The following KCNJ4 variants were observed in gnomAD, a reference collection of about 807,000 sequenced individuals.
KCNJ4 encodes inward rectifier potassium channel 4.
In KCNJ4, 3 loss-of-function variants were observed where a neutral mutation model predicts 25.6. That is an observed-to-expected ratio of 0.12 (90% CI 0.05 to 0.30). The LOEUF (loss-of-function observed/expected upper bound fraction) is 0.30. KCNJ4 is among the 10% of genes least tolerant of loss of function. The probability of loss-of-function intolerance (pLI) is 1.00; values close to 1 mark genes in which losing one functional copy is unlikely to be tolerated. For synonymous variants in KCNJ4, 257 were observed against 283.9 expected (o/e 0.91, Z 0.95); for missense variants, 286 against 666.8 (o/e 0.43, Z 6.29).
At chr22:38,444,751 C>G (rs2089361591) in intron 1 of KCNJ4, among the ~76,000 whole-genome samples, 2 of 152,316 alleles carry the variant, frequency 1.3e-5, no homozygotes, top group African/African-American at 2.4e-5. Flanking sequence ...ATGGGGGGGG[C>G]CACGGGCTGC....
At chr22:38,439,252 T>C (rs2089314842) in intron 1 of KCNJ4, among the ~76,000 whole-genome samples, 1 of 151,486 alleles carries the variant, frequency 6.6e-6, no homozygotes, top group African/African-American at 2.4e-5. Flanking sequence ...GCCAACATGG[T>C]GAAACTCTAT....
chr22:38,441,351 T>G (rs922607476), intron 1 of KCNJ4, among the ~76,000 whole-genome samples: 6 of 151,648 alleles, frequency 4.0e-5, no homozygotes, highest in Non-Finnish European at 5.9e-5. Context: ...TGGGCGGGGG[T>G]CAGGGAAGTT....
chr22:38,447,725 G>T (rs560598017), intron 1 of KCNJ4, among the ~76,000 whole-genome samples: 65 of 152,230 alleles, frequency 4.3e-4, no homozygotes, highest in African/African-American at 1.3e-3. Flanking sequence ...TCAGTAAAAT[G>T]GGGTCAGCTC....
chr22:38,447,597 G>T (rs373420292), intron 1 of KCNJ4, among the ~76,000 whole-genome samples: 6 of 152,114 alleles, frequency 3.9e-5, no homozygotes, highest in Admixed American at 6.5e-5. Flanking sequence ...AGTCTAGGGT[G>T]GGGGCTGGGA....
Position 38,427,647 on chromosome 22 carries a change from G to A in KCNJ4, c.486C>T (p.Val162=). Residue 162 remains valine, a synonymous_variant, in exon 2 of 2, where the codon GTC becomes GTT. Transcript: ENST00000303592. The stretch of plus-strand genomic sequence containing the variant: ...TGGTGCCAATCATGAAGGAGTCGAT[G>A]ACGCAGCCCACGATGGACTGGACCA... The part of the protein sequence containing the change: ...AVVVQSIVGC[V]IDSFMIGTIM... The A allele has an allele frequency of 6.2e-7, 1 of 1,613,272 alleles. No homozygotes were observed. The highest frequency in any genetic ancestry group is 8.5e-7 in the Non-Finnish European group (1 of 1,179,972).
At chr22:38,445,074 C>A (rs1388524737) in intron 1 of KCNJ4, among the ~76,000 whole-genome samples, 1 of 151,392 alleles carries the variant, frequency 6.6e-6, no homozygotes, top group African/African-American at 2.4e-5. Context: ...CGTGTGTGTG[C>A]GTGTGTGTGT....
intron 1 of KCNJ4, among the ~76,000 whole-genome samples, chr22:38,450,637 C>T: frequency 6.6e-6 from 1 of 152,228 alleles, no homozygotes; most frequent in East Asian, 1.9e-4. Context: ...TCCTCACTCA[C>T]TGGCACAGGG....
At chr22:38,438,226 C>T (rs1217297696) in intron 1 of KCNJ4, among the ~76,000 whole-genome samples, 2 of 119,634 alleles carry the variant, frequency 1.7e-5, no homozygotes, top group African/African-American at 3.5e-5. Flanking sequence ...GGCGACAGAG[C>T]GATACTCTGT....
intron 1 of KCNJ4, among the ~76,000 whole-genome samples, chr22:38,428,869 G>A (rs528480773): frequency 3.4e-4 from 52 of 152,028 alleles, no homozygotes; most frequent in African/African-American, 1.2e-3. Context: ...AAGATTGTTT[G>A]TGCCAGGAGT....
intron 1 of KCNJ4, among the ~76,000 whole-genome samples, chr22:38,436,531 C>A (rs2093065917): frequency 6.6e-6 from 1 of 152,132 alleles, no homozygotes; most frequent in African/African-American, 2.4e-5. Context: ...ACCTGCAGGG[C>A]CTGATGTGGA....
Position 38,427,975 on chromosome 22 carries a change from G to C in KCNJ4, c.158C>G (p.Thr53Arg). The C allele has an allele frequency of 6.2e-7, 1 of 1,614,190 alleles. No individual in the cohort carries two copies. Among genetic ancestry groups the C allele is most frequent in the Non-Finnish European group, 8.5e-7 (1 of 1,180,010 alleles). ...MADIFTTCVD[T>R]RWRYMLMIFS... ...GATCATGAGCATGTAGCGCCAGCGCGTGTCCACGCAGGTGGTGAAGATGTC... is the reference window on the plus strand; with the variant it reads ...GATCATGAGCATGTAGCGCCAGCGCCTGTCCACGCAGGTGGTGAAGATGTC... The change falls in exon 2 of 2, where the codon ACG becomes AGG. Residue 53 changes from threonine to arginine, a missense_variant. Physicochemically the swap from Thr to Arg is moderately conservative, Grantham distance 71. Around this residue, in one of 11 missense-constraint regions of KCNJ4, gnomAD observed 36 missense variants for 103.2 expected, o/e 0.35. Transcript: ENST00000303592.
intron 1 of KCNJ4, among the ~76,000 whole-genome samples, chr22:38,430,269 G>C (rs1348349591): frequency 1.3e-5 from 2 of 152,202 alleles, no homozygotes; most frequent in African/African-American, 2.4e-5. Context: ...TTGGGAGGCC[G>C]AGGCGGGTGG....
chr22:38,432,256 AAAAT>A (rs60276995), intron 1 of KCNJ4, among the ~76,000 whole-genome samples: 5 of 142,712 alleles, frequency 3.5e-5, no homozygotes, highest in Admixed American at 1.4e-4. Context: ...ACTCCATCTC[AAAAT>A]AAATAAATAA....
chr22:38,446,608 T>C (rs2145946444), intron 1 of KCNJ4, among the ~76,000 whole-genome samples: 1 of 152,276 alleles, frequency 6.6e-6, no homozygotes, highest in South Asian at 2.1e-4. Flanking sequence ...CAACGAGCTA[T>C]GATACATTCA....
intron 1 of KCNJ4, among the ~76,000 whole-genome samples, chr22:38,445,192 G>C (rs1028572607): frequency 6.6e-6 from 1 of 152,092 alleles, no homozygotes; most frequent in Non-Finnish European, 1.5e-5. Context: ...AATTTGGCCC[G>C]GCCTGGGATC....
intron 1 of KCNJ4, among the ~76,000 whole-genome samples, chr22:38,442,565 A>T: frequency 6.7e-6 from 1 of 148,516 alleles, no homozygotes; most frequent in African/African-American, 2.5e-5. Flanking sequence ...AAAAAAAAGG[A>T]CTGTCACCCC....
Position 38,455,031 on chromosome 22 carries a change from A to G in KCNJ4, c.-91T>C, listed in dbSNP as rs2089432027. 6.6e-6 allele frequency: 1 copy of G among 151,226 alleles called. No individual in the cohort carries two copies. The highest frequency in any genetic ancestry group is 1.5e-5 in the Non-Finnish European group (1 of 67,720). The allele number at this position is 151,226 out of a possible 1,614,324, so 9.4% of individuals were successfully genotyped here. On this transcript the variant is annotated 5_prime_UTR_variant, in exon 1 of 2. The change abolishes an upstream ATG in the 5' untranslated region. Coordinates refer to ENST00000303592, the MANE Select transcript of KCNJ4 (RefSeq NM_152868.3). Reference sequence around the variant, plus strand: ...CCGGGAGGCGGCGAGCGGGCGCTACATCCCAAGGCGCGATCCGGCGGGCGG... The same window carrying G: ...CCGGGAGGCGGCGAGCGGGCGCTACGTCCCAAGGCGCGATCCGGCGGGCGG...
At chr22:38,433,369 C>T (rs2145935401) in intron 1 of KCNJ4, among the ~76,000 whole-genome samples, 1 of 152,282 alleles carries the variant, frequency 6.6e-6, no homozygotes, top group African/African-American at 2.4e-5. Flanking sequence ...TCACTTGAAC[C>T]TGGGAGGCGG....
chr22:38,427,749 C>T lies in KCNJ4; in HGVS notation c.384G>A (p.Ser128=), dbSNP rs566866323. 6.0e-5 allele frequency: 96 copies of T among 1,609,252 alleles called. No individual in the cohort carries two copies. The South Asian group carries it at 6.7e-4, about 11-fold the overall frequency. ...VNGFLGAFLF[S]VETQTTIGYG... ...AGCCGATGGTCGTCTGCGTCTCCACCGAGAACAGGAAGGCACCCAGGAAGC... is the reference window on the plus strand; with the variant it reads ...AGCCGATGGTCGTCTGCGTCTCCACTGAGAACAGGAAGGCACCCAGGAAGC... Residue 128 remains serine, a synonymous_variant, in exon 2 of 2, where the codon TCG becomes TCA. Coordinates refer to ENST00000303592, the MANE Select transcript of KCNJ4 (RefSeq NM_152868.3).
Sources: allele counts gnomAD v4.1 joint callset (sites outside exome capture counted in the v4.1 genomes callset), GRCh38; gene constraint gnomAD v4.1.1; regional missense constraint gnomAD v4.1.1; transcripts MANE v1.5; gene names NCBI Gene and HGNC (gene_info 2026-07-23, HGNC 2026-07-21).